The following NHSL1 variants were observed in gnomAD, a reference collection of about 807,000 sequenced individuals.
NHSL1 encodes NHS like 1, also known as NHS-like protein 1.
A neutral mutation model predicts 95.0 loss-of-function variants in NHSL1; 48 were observed. That is an observed-to-expected ratio of 0.51 (90% CI 0.40 to 0.64). The LOEUF (loss-of-function observed/expected upper bound fraction) is 0.64, where lower values mean the gene tolerates loss of function less well. NHSL1 is among the 30% of genes least tolerant of loss of function. NHSL1 has a pLI of 0.00. For missense variants in NHSL1, 1,971 were observed against 2,077.7 expected (o/e 0.95, Z 1.00); for synonymous variants, 783 against 833.9 (o/e 0.94, Z 1.05).
At chr6:138,457,928 A>C (rs925580818) in intron 3 of NHSL1, among the ~76,000 whole-genome samples, 2 of 151,692 alleles carry the variant, frequency 1.3e-5, no homozygotes, top group Non-Finnish European at 2.9e-5. Flanking sequence ...GAATCTCTTG[A>C]ACCCAGGAGG....
intron 5 of NHSL1, among the ~76,000 whole-genome samples, chr6:138,439,628 T>A (rs890858010): frequency 1.9e-4 from 29 of 152,238 alleles, no homozygotes; most frequent in Admixed American, 1.9e-3. Context: ...AGCCTATCTA[T>A]AAAACCACAG....
chr6:138,424,591 A>C lies in NHSL1; in HGVS notation c.4311T>G (p.Ser1437=), dbSNP rs1409778841. The C allele has an allele frequency of 3.2e-6, 5 of 1,551,532 alleles. No homozygotes were observed. Among genetic ancestry groups the C allele is most frequent in the Non-Finnish European group, 1.7e-6 (2 of 1,146,986 alleles). The part of the protein sequence containing the change: ...GSRSDTSARM[S]AAEMLKNTDP... ...CTGTGTTCTTGAGCATCTCTGCTGC[A>C]GACATGCGGGCGCTGGTGTCTGAAC... is the stretch of plus-strand genomic sequence containing the variant. Residue 1437 remains serine (S), a synonymous_variant, in exon 8 of 8, where the codon TCT becomes TCG. Transcript: ENST00000343505. This position sits in a 1 kb window ranked among gnomAD's most constrained non-coding sequence, Gnocchi z 5.9.
At chr6:138,575,145 T>C (rs1783948802), upstream of NHSL1, among the ~76,000 whole-genome samples, 1 of 152,158 alleles carries the variant, frequency 6.6e-6, no homozygotes, top group African/African-American at 2.4e-5. Flanking sequence ...GTGATCTGTC[T>C]GCCTCGGCCT....
intron 2 of NHSL1, among the ~76,000 whole-genome samples, chr6:138,481,168 C>G (rs1779395372): frequency 6.6e-6 from 1 of 152,122 alleles, no homozygotes; most frequent in African/African-American, 2.4e-5. Flanking sequence ...GCTAAATAAT[C>G]TAGTTTGAGC....
intron 4 of NHSL1, among the ~76,000 whole-genome samples, 173 bp from the exon 5 acceptor site, chr6:138,442,287 T>C (rs2128215531): frequency 6.6e-6 from 1 of 152,336 alleles, no homozygotes; most frequent in Non-Finnish European, 1.5e-5. Flanking sequence ...ATTATCACAG[T>C]AAGGCTGTTT....
chr6:138,430,770 G>A lies in NHSL1; in HGVS notation c.3575C>T (p.Pro1192Leu). The change falls in exon 6 of 8, where the codon CCA becomes CTA. Residue 1192 changes from proline to leucine, a missense_variant. By Grantham distance (98) the Pro-to-Leu change is moderately conservative. Transcript: ENST00000343505. The surrounding 1 kb of genome is among the most constrained non-coding windows in gnomAD (Gnocchi z 4.7). ...PLPDSSPSRK[P>L]PPISKKPKLF... ...TTTGGGCTTCTTGGAAATGGGGGGTGGCTTCCTGCTGGGTGAAGAGTCTGG... is the reference window on the plus strand; with the variant it reads ...TTTGGGCTTCTTGGAAATGGGGGGTAGCTTCCTGCTGGGTGAAGAGTCTGG... 2 of 1,551,700 alleles carry A rather than the reference G, an allele frequency of 1.3e-6. No individual in the cohort carries two copies. The highest frequency in any genetic ancestry group is 1.7e-4 in the Middle Eastern group (1 of 5,992).
At chr6:138,656,935 C>T (rs9495186) in intron 1 of NHSL1, among the ~76,000 whole-genome samples, 4 of 152,194 alleles carry the variant, frequency 2.6e-5, no homozygotes, top group East Asian at 1.9e-4. Context: ...ATTACACATA[C>T]GCAACTTTGG....
intron 1 of NHSL1, among the ~76,000 whole-genome samples, chr6:138,569,626 C>T (rs1481824523): frequency 6.6e-6 from 1 of 152,124 alleles, no homozygotes; most frequent in East Asian, 1.9e-4. Context: ...TTCTTGAAGA[C>T]TTTTCCTCTT....
At chr6:138,578,418 A>T (rs1297322867) in intron 1 of NHSL1, among the ~76,000 whole-genome samples, 1 of 152,196 alleles carries the variant, frequency 6.6e-6, no homozygotes, top group Non-Finnish European at 1.5e-5. Context: ...AGGCTTGGTA[A>T]GCAGTACATA....
intron 7 of NHSL1, among the ~76,000 whole-genome samples, chr6:138,427,459 A>AG (rs1294464892): frequency 1.3e-5 from 2 of 152,116 alleles, no homozygotes; most frequent in Admixed American, 6.5e-5. Flanking sequence ...GAAAAAAAAA[A>AG]AAAGGAAGAA....
At chr6:138,486,065 G>A (rs1039261416) in intron 2 of NHSL1, among the ~76,000 whole-genome samples, 1 of 152,010 alleles carries the variant, frequency 6.6e-6, no homozygotes, top group African/African-American at 2.4e-5. Flanking sequence ...CGCAACCTCC[G>A]ACCCTCCGCT....
At chr6:138,542,721 G>C (rs147980796) in intron 1 of NHSL1, among the ~76,000 whole-genome samples, 3 of 152,284 alleles carry the variant, frequency 2.0e-5, no homozygotes, top group African/African-American at 7.2e-5. Context: ...TATGTTCCAC[G>C]TAGCTTTAGT....
chr6:138,634,376 G>A (rs1334822716), intron 1 of NHSL1, among the ~76,000 whole-genome samples: 3 of 152,036 alleles, frequency 2.0e-5, no homozygotes, highest in Admixed American at 6.6e-5. Flanking sequence ...GATATTCCAT[G>A]CCAACAAAAA....
intron 1 of NHSL1, among the ~76,000 whole-genome samples, chr6:138,680,783 A>G (rs1785502602): frequency 6.6e-6 from 1 of 152,012 alleles, no homozygotes; most frequent in African/African-American, 2.4e-5. Flanking sequence ...CGCCTGGTTA[A>G]TTTTTGTATT....
chr6:138,624,994 G>A (rs1204041987), intron 1 of NHSL1, among the ~76,000 whole-genome samples: 1 of 152,144 alleles, frequency 6.6e-6, no homozygotes, highest in Non-Finnish European at 1.5e-5. Context: ...TAGTGTGTGT[G>A]TGTGAGAGAG....
chr6:138,445,042 A>T (rs1469620558), intron 4 of NHSL1, among the ~76,000 whole-genome samples: 6 of 152,176 alleles, frequency 3.9e-5, no homozygotes, highest in African/African-American at 1.4e-4. Flanking sequence ...AGTCTAATTC[A>T]TCTCTACTTA....
At chr6:138,536,953 A>G (rs1386971032) in intron 1 of NHSL1, among the ~76,000 whole-genome samples, 1 of 152,238 alleles carries the variant, frequency 6.6e-6, no homozygotes, top group Admixed American at 6.5e-5. Context: ...TACAACGAGA[A>G]GAGAAATAAC....
intron 1 of NHSL1, among the ~76,000 whole-genome samples, chr6:138,585,693 A>G (rs1016463255): frequency 6.6e-6 from 1 of 151,902 alleles, no homozygotes; most frequent in Non-Finnish European, 1.5e-5. Context: ...TCCATAAAAT[A>G]CACACCACTG....
chr6:138,512,801 T>C (rs114894685), intron 1 of NHSL1, among the ~76,000 whole-genome samples: 1,839 of 152,322 alleles, frequency 0.012, 40 homozygotes, highest in African/African-American at 0.042. Flanking sequence ...TCTATGCACA[T>C]GGCGAGAGAA....
Sources: gnomAD v4.1 joint callset for allele counts (sites outside exome capture counted in the v4.1 genomes callset) on GRCh38, gnomAD v4.1.1 for gene constraint, Gnocchi (gnomAD v3.1) non-coding constraint, MANE v1.5 for transcripts, NCBI Gene and HGNC (gene_info 2026-07-23, HGNC 2026-07-21) for gene names.